B3GALT1: variants seen among roughly 807,000 people sequenced by gnomAD.
B3GALT1 encodes UDP-Gal:betaGlcNAc beta 1,3-galactosyltransferase, polypeptide 1.
B3GALT1 carries 10 observed loss-of-function variants against 23.2 expected under a neutral mutation model. The observed-to-expected ratio is 0.43, with a 90% CI of 0.27 to 0.73. The LOEUF is 0.73. Ranked by LOEUF, B3GALT1 falls within the 30% of genes least tolerant of loss-of-function variation. The probability of loss-of-function intolerance (pLI) is 0.21; values close to 1 mark genes in which losing one functional copy is unlikely to be tolerated. For missense variants in B3GALT1, 299 were observed against 405.4 expected (o/e 0.74, Z 2.25); for synonymous variants, 156 against 141.5 (o/e 1.10, Z -0.73).
chr2:167,482,107 C>T (rs768891412), intron 1 of B3GALT1, among the ~76,000 whole-genome samples: 6 of 152,004 alleles, frequency 3.9e-5, no homozygotes, highest in Non-Finnish European at 8.8e-5. Flanking sequence ...AATTTTGTGT[C>T]GTTCCTTTCC....
intron 3 of B3GALT1, among the ~76,000 whole-genome samples, chr2:167,778,026 T>G (rs1408154270): frequency 6.6e-6 from 1 of 152,018 alleles, no homozygotes; most frequent in African/African-American, 2.4e-5. Flanking sequence ...TAGCCCAAGT[T>G]GTCAATAGTT....
intron 3 of B3GALT1, among the ~76,000 whole-genome samples, chr2:167,811,783 TATTCCTGGATATATA>T (rs1280447097): frequency 6.6e-6 from 1 of 152,192 alleles, no homozygotes; most frequent in Non-Finnish European, 1.5e-5. Context: ...CTGTACCAAA[TATTCCTGGATATATA>T]ATTCCTGGAT....
intron 2 of B3GALT1, among the ~76,000 whole-genome samples, chr2:167,607,317 C>T (rs1684982000): frequency 1.3e-5 from 2 of 152,256 alleles, no homozygotes; most frequent in East Asian, 1.9e-4. Context: ...AAATATTCAG[C>T]AAGCGTTGGC....
At chr2:167,376,175 A>C (rs1697760275) in intron 1 of B3GALT1, among the ~76,000 whole-genome samples, 1 of 152,184 alleles carries the variant, frequency 6.6e-6, no homozygotes, top group Admixed American at 6.5e-5. Context: ...AATGAAACCT[A>C]CTTGATCAGG....
intron 3 of B3GALT1, among the ~76,000 whole-genome samples, chr2:167,721,202 C>T (rs1687227615): frequency 6.6e-6 from 1 of 152,196 alleles, no homozygotes. Context: ...AGCAAATACA[C>T]AGTTACAGAT....
chr2:167,859,978 T>G (rs1464133994), intron 4 of B3GALT1, among the ~76,000 whole-genome samples: 1 of 152,192 alleles, frequency 6.6e-6, no homozygotes, highest in East Asian at 1.9e-4. Flanking sequence ...TTTATGAAAT[T>G]CTTCCTTCAA....
At chr2:167,844,749 C>T (rs1251466073) in intron 4 of B3GALT1, among the ~76,000 whole-genome samples, 1 of 152,116 alleles carries the variant, frequency 6.6e-6, no homozygotes, top group Non-Finnish European at 1.5e-5. Flanking sequence ...GCCTCCTGGC[C>T]AGAACTCAGG....
intron 2 of B3GALT1, among the ~76,000 whole-genome samples, chr2:167,620,759 A>G (rs1003245889): frequency 2.0e-5 from 3 of 152,024 alleles, no homozygotes; most frequent in African/African-American, 7.2e-5. Context: ...ATTTAGTGCC[A>G]TGTTTTCAAA....
intron 2 of B3GALT1, among the ~76,000 whole-genome samples, chr2:167,538,008 A>T (rs1683458629): frequency 6.6e-6 from 1 of 151,838 alleles, no homozygotes; most frequent in East Asian, 1.9e-4. Context: ...TTTTTACTAG[A>T]GTTGGGGTTA....
intron 3 of B3GALT1, among the ~76,000 whole-genome samples, chr2:167,723,539 G>GT (rs1011804110): frequency 8.8e-5 from 11 of 124,508 alleles, no homozygotes; most frequent in African/African-American, 2.4e-4. Context: ...TTTTTTTTTT[G>GT]TTTTTTTGAG....
chr2:167,681,143 C>T (rs1408560212), intron 3 of B3GALT1, among the ~76,000 whole-genome samples: 4 of 152,028 alleles, frequency 2.6e-5, no homozygotes, highest in Non-Finnish European at 4.4e-5. Flanking sequence ...TCATGTCAAC[C>T]GCGCTGCAGC....
chr2:167,699,805 C>T (rs1686848740), intron 3 of B3GALT1, among the ~76,000 whole-genome samples: 1 of 152,094 alleles, frequency 6.6e-6, no homozygotes, highest in Non-Finnish European at 1.5e-5. Flanking sequence ...CTCCACCTCC[C>T]AGGTTCAAGT....
At chr2:167,302,705 A>G (rs1238146268) in intron 1 of B3GALT1, among the ~76,000 whole-genome samples, 7 of 152,174 alleles carry the variant, frequency 4.6e-5, no homozygotes, top group Non-Finnish European at 8.8e-5. Flanking sequence ...AGTTGTCCTA[A>G]TTTGTATTAA....
Position 167,385,075 on chromosome 2 carries a change from A to T in B3GALT1, c.-511+91741A>T, listed in dbSNP as rs527609035. 2.0e-5 allele frequency among the ~76,000 whole-genome samples: 3 copies of T among 152,190 alleles called. 1 individual carries two copies. In the South Asian group the frequency reaches 6.2e-4, roughly 32 times the overall value. On this transcript the variant is annotated intron_variant, in intron 1 of 4. Coordinates refer to ENST00000392690, the MANE Select transcript of B3GALT1 (RefSeq NM_020981.4). ...CAGTCAGGTGCAGAGGAAGAAATTG[A>T]GGCTTGGGGAAGTTTAGTAAAATTT...
At chr2:167,668,820 G>C (rs142678803) in intron 3 of B3GALT1, among the ~76,000 whole-genome samples, 1 of 152,130 alleles carries the variant, frequency 6.6e-6, no homozygotes, top group Non-Finnish European at 1.5e-5. Flanking sequence ...CGCACGGTGC[G>C]TGCACCCACT....
At position 167,872,068 on chromosome 2, in the gene B3GALT1, A is replaced by G. The variant is rs1427980859; in HGVS notation, c.*2048A>G. The G allele has an allele frequency of 6.7e-6, 1 of 150,338 alleles. No homozygotes were observed. The highest frequency in any genetic ancestry group is 2.4e-5 in the African/African-American group (1 of 40,916). 9.3% of individuals were successfully genotyped at this position (150,338 alleles called of 1,614,324 possible). A position where few individuals can be genotyped will look rare whatever the true frequency, so the allele number is the denominator to read the frequency against. On this transcript the variant is annotated 3_prime_UTR_variant, in exon 5 of 5. Coordinates refer to ENST00000392690, the MANE Select transcript of B3GALT1 (RefSeq NM_020981.4). ...AGGCGCCCGCCATCACGCCCGGCTA[A>G]TTTTTTTGTATTTTTAGTAGAGACG...
chr2:167,526,391 T>C (rs1393171222), intron 2 of B3GALT1, among the ~76,000 whole-genome samples: 1 of 152,182 alleles, frequency 6.6e-6, no homozygotes. Flanking sequence ...CGTTTACTTA[T>C]TCATTCAACC....
chr2:167,530,786 C>T (rs192601267), intron 2 of B3GALT1, among the ~76,000 whole-genome samples: 2 of 152,274 alleles, frequency 1.3e-5, no homozygotes, highest in Admixed American at 1.3e-4. Flanking sequence ...ATTATTCTTT[C>T]AATTGAATAT....
intron 2 of B3GALT1, among the ~76,000 whole-genome samples, chr2:167,577,859 G>GA (rs979456544): frequency 4.0e-5 from 6 of 150,470 alleles, no homozygotes; most frequent in South Asian, 2.1e-4. Context: ...TTAATTTACT[G>GA]AAAAAAAAAG....
Sources: gnomAD v4.1 joint callset for allele counts (sites outside exome capture counted in the v4.1 genomes callset) on GRCh38, gnomAD v4.1.1 for gene constraint, MANE v1.5 for transcripts, NCBI Gene and HGNC (gene_info 2026-07-23, HGNC 2026-07-21) for gene names.